Variants in TOR1AIP1 observed in about 807,000 individuals in gnomAD.
The protein encoded by TOR1AIP1 is torsin 1A interacting protein 1, also known as torsin-1A-interacting protein 1.
Under a neutral mutation model 63.3 loss-of-function variants are expected in TOR1AIP1, and 54 were observed. The ratio of observed to expected loss-of-function variants is 0.85; its 90% confidence interval spans 0.69 to 1.07. The LOEUF (loss-of-function observed/expected upper bound fraction) is 1.07, where lower values mean the gene tolerates loss of function less well. Ranked by LOEUF, TOR1AIP1 falls within the 50% of genes least tolerant of loss-of-function variation. The pLI is 0.00. For synonymous variants in TOR1AIP1, 294 were observed against 273.5 expected (o/e 1.07, Z -0.74); for missense variants, 736 against 715.0 (o/e 1.03, Z -0.33).
intron 8 of TOR1AIP1, chr1:179,913,579 T>C: frequency 1.4e-6 from 1 of 702,422 alleles, no homozygotes; most frequent in South Asian, 1.5e-5. Flanking sequence ...TTTCCCCCTC[T>C]TTACAGCATC....
chr1:179,915,185 T>C (rs1648957026), intron 9 of TOR1AIP1, among the ~76,000 whole-genome samples: 1 of 152,218 alleles, frequency 6.6e-6, no homozygotes, highest in Non-Finnish European at 1.5e-5. Flanking sequence ...TTCAGATAAT[T>C]GTGGCTATTC....
chr1:179,918,218 G>A lies in TOR1AIP1; in HGVS notation c.1731G>A (p.Leu577=). The change falls in exon 10 of 10, where the codon CTG becomes CTA. Residue 577 remains leucine (L), a synonymous_variant. Coordinates refer to ENST00000606911, the MANE Select transcript of TOR1AIP1 (RefSeq NM_015602.4). ...TGCCTGTGCAACCTGAAAATGCCCT[G>A]AAAAGGGGCATCTGCTTATAAGAAG... ...LVLPVQPENA[L]KRGICL is the part of the protein sequence containing the mutation. 6.2e-7 allele frequency: 1 copy of A among 1,601,364 alleles called. No individual in the cohort carries two copies.
At position 179,892,267 on chromosome 1, in the gene TOR1AIP1, T is replaced by C. The variant is rs554482525; in HGVS notation, c.610+2898T>C. Among the ~76,000 whole-genome samples the C allele has an allele frequency of 1.2e-3, 186 of 151,496 alleles. 1 individual carries two copies. Among genetic ancestry groups the C allele is most frequent in the African/African-American group, 4.4e-3 (180 of 41,230 alleles). The stretch of plus-strand genomic sequence containing the variant: ...TGGGCAGATCACCTGAGGTCAGGAG[T>C]TCAAGACCAGCCTGGCTGGCATGGC... On this transcript the variant is annotated intron_variant, in intron 3 of 9. Coordinates refer to ENST00000606911, the MANE Select transcript of TOR1AIP1 (RefSeq NM_015602.4).
chr1:179,882,682 G>C lies in TOR1AIP1; in HGVS notation c.180G>C (p.Ser60=). The change falls in exon 1 of 10, where the codon TCG becomes TCC. Residue 60 remains serine, a synonymous_variant. Coordinates refer to ENST00000606911, the MANE Select transcript of TOR1AIP1 (RefSeq NM_015602.4). ...SRQGRREVRF[S]DEPPEVYGDF... ...AGGGCCGGCGGGAAGTGAGGTTCTC[G>C]GACGAGCCGCCAGAAGTGTACGGCG... 6 of 1,603,734 alleles carry C rather than the reference G, an allele frequency of 3.7e-6. No homozygotes were observed. The highest frequency in any genetic ancestry group is 5.1e-6 in the Non-Finnish European group (6 of 1,174,168).
intron 3 of TOR1AIP1, among the ~76,000 whole-genome samples, chr1:179,893,690 C>T (rs754741858): frequency 1.3e-5 from 2 of 152,142 alleles, no homozygotes; most frequent in Non-Finnish European, 2.9e-5. Flanking sequence ...ATCCACCTTC[C>T]TTGGCCTCCC....
chr1:179,892,341 C>T (rs1177619012), intron 3 of TOR1AIP1, among the ~76,000 whole-genome samples: 1 of 18,998 alleles, frequency 5.3e-5, no homozygotes, highest in Non-Finnish European at 1.7e-4. Flanking sequence ...CGTGGTGGTG[C>T]TGTGCACTGT....
chr1:179,892,564 C>T (rs1214875936), intron 3 of TOR1AIP1, among the ~76,000 whole-genome samples: 2 of 151,876 alleles, frequency 1.3e-5, no homozygotes, highest in African/African-American at 2.4e-5. Flanking sequence ...GGTGAAACCC[C>T]GTCTCTACTA....
At chr1:179,909,601 C>G (rs1276735335) in intron 8 of TOR1AIP1, among the ~76,000 whole-genome samples, 1 of 151,638 alleles carries the variant, frequency 6.6e-6, no homozygotes, top group Non-Finnish European at 1.5e-5. Context: ...ACACGCCTGG[C>G]TAATTTTTAT....
chr1:179,893,399 C>A (rs987644575), intron 3 of TOR1AIP1, among the ~76,000 whole-genome samples: 35 of 152,246 alleles, frequency 2.3e-4, no homozygotes, highest in African/African-American at 8.2e-4. Context: ...CCTGCTGCCC[C>A]ACTCTTGACT....
chr1:179,911,642 C>A (rs749157490), intron 8 of TOR1AIP1, among the ~76,000 whole-genome samples: 1 of 152,182 alleles, frequency 6.6e-6, no homozygotes, highest in Non-Finnish European at 1.5e-5. Flanking sequence ...GAAAAGAAGA[C>A]AATTTGGAGT....
chr1:179,885,466 C>T lies in TOR1AIP1; in HGVS notation c.553+697C>T, dbSNP rs534717774. On this transcript the variant is annotated intron_variant, in intron 2 of 9. Coordinates refer to ENST00000606911, the MANE Select transcript of TOR1AIP1 (RefSeq NM_015602.4). ...AAGCTGATTAAAATATTTTAAAAAG[C>T]TGGAGAAGGGATCAAGTCCAGTTAT... 6.7e-4 allele frequency among the ~76,000 whole-genome samples: 102 copies of T among 152,284 alleles called. 1 individual carries two copies. The highest frequency in any genetic ancestry group is 2.4e-3 in the African/African-American group (98 of 41,578).
rs767054197 is a variant in TOR1AIP1, at chr1:179,911,995, CTTTTTTCTT to C, written c.908-1987_908-1979del. Among the ~76,000 whole-genome samples the C allele has an allele frequency of 1.2e-4, 12 of 97,768 alleles. 1 individual carries two copies. Among genetic ancestry groups the C allele is most frequent in the Admixed American group, 3.4e-4 (3 of 8,916 alleles). The allele number at this position is 97,768 out of a possible 152,430, so 64.1% of individuals were successfully genotyped here. Reference sequence around the variant, plus strand: ...TTTTTCTTTTTTTCTTTTTTTTTTTCTTTTTTCTTTTTTTTCTTTTTTTTTTCTTTTTTC... The same window carrying C: ...TTTTTCTTTTTTTCTTTTTTTTTTTCTTTTTTCTTTTTTTTTTCTTTTTTC... On this transcript the variant is annotated intron_variant, in intron 8 of 9. Transcript: ENST00000606911.
At chr1:179,884,023 G>C (rs1021057818) in intron 1 of TOR1AIP1, 1 of 175,254 alleles carries the variant, frequency 5.7e-6, no homozygotes, top group Non-Finnish European at 1.2e-5. Flanking sequence ...CTGCTGACTC[G>C]TGAAGGTACT....
chr1:179,884,421 C>G (rs1239391638), intron 1 of TOR1AIP1, among the ~76,000 whole-genome samples: 1 of 152,192 alleles, frequency 6.6e-6, no homozygotes, highest in Non-Finnish European at 1.5e-5. Context: ...TTGTGACTCT[C>G]TACCCCATCT....
intron 3 of TOR1AIP1, among the ~76,000 whole-genome samples, chr1:179,891,882 A>C (rs1648092425): frequency 6.6e-6 from 1 of 152,156 alleles, no homozygotes; most frequent in Admixed American, 6.5e-5. Context: ...TCATTTAGAA[A>C]GTGAATTCGA....
At chr1:179,883,666 C>G (rs1048431526) in intron 1 of TOR1AIP1, 3 of 456,186 alleles carry the variant, frequency 6.6e-6, no homozygotes, top group Non-Finnish European at 1.3e-5. Flanking sequence ...ACTGTAACCT[C>G]AAGTAGTCTG....
Position 179,907,849 on chromosome 1 carries a change from CAACCTTCAGTGCT to C in TOR1AIP1, c.826_838del (p.Pro276AlafsTer18). The stretch of plus-strand genomic sequence containing the variant: ...TCAAAACTTCACAGCTCATGATAAG[CAACCTTCAGTGCT>C]AAGTAAGTAGTTGGTTGTCTGCTCT... On this transcript the variant is annotated frameshift_variant and splice_region_variant, in exon 7 of 10. Coordinates refer to ENST00000606911, the MANE Select transcript of TOR1AIP1 (RefSeq NM_015602.4). LOFTEE classifies it high-confidence loss of function. The C allele has an allele frequency of 6.3e-7, 1 of 1,587,412 alleles. No homozygotes were observed. Among genetic ancestry groups the C allele is most frequent in the Admixed American group, 1.7e-5 (1 of 57,748 alleles).
Position 179,896,980 on chromosome 1 carries a change from G to A in TOR1AIP1, c.611-3146G>A, listed in dbSNP as rs576670242. 3.9e-5 allele frequency among the ~76,000 whole-genome samples: 6 copies of A among 152,132 alleles called. No individual in the cohort carries two copies. The South Asian group carries it at 1.2e-3, about 32-fold the overall frequency. On this transcript the variant is annotated intron_variant, in intron 3 of 9. Coordinates refer to ENST00000606911, the MANE Select transcript of TOR1AIP1 (RefSeq NM_015602.4). ...ATAATGATTGATTGTCAAATCTACGGGGATTATTATTATTTAAGATCTAAT... is the reference window on the plus strand; with the variant it reads ...ATAATGATTGATTGTCAAATCTACGAGGATTATTATTATTTAAGATCTAAT...
At position 179,919,816 on chromosome 1, in the gene TOR1AIP1, G is replaced by A. The variant is rs956103495; in HGVS notation, c.*1577G>A. The A allele has an allele frequency of 9.2e-5, 14 of 152,264 alleles. No homozygotes were observed. Among genetic ancestry groups the A allele is most frequent in the African/African-American group, 3.4e-4 (14 of 41,562 alleles). The allele number at this position is 152,264 out of a possible 1,614,324, so 9.4% of individuals were successfully genotyped here. On this transcript the variant is annotated 3_prime_UTR_variant, in exon 10 of 10. Transcript: ENST00000606911. Reference sequence around the variant, plus strand: ...TATTCATAAATGTATACCCCTTACTGTAATTTGTTCCTCTTAGAAGTCAGA... The same window carrying A: ...TATTCATAAATGTATACCCCTTACTATAATTTGTTCCTCTTAGAAGTCAGA...
Sources: allele counts gnomAD v4.1 joint callset (sites outside exome capture counted in the v4.1 genomes callset), GRCh38; gene constraint gnomAD v4.1.1; transcripts MANE v1.5; gene names NCBI Gene and HGNC (gene_info 2026-07-23, HGNC 2026-07-21).